The following PIK3R5 variants were observed in gnomAD, a reference collection of about 807,000 sequenced individuals.
PIK3R5 encodes phosphoinositide-3-kinase regulatory subunit 5, also known as phosphoinositide 3-kinase regulatory subunit 5.
In PIK3R5, 32 loss-of-function variants were observed where a neutral mutation model predicts 94.9. The ratio of observed to expected loss-of-function variants is 0.34; its 90% CI spans 0.25 to 0.45. PIK3R5 has a LOEUF of 0.45. Ranked by LOEUF, PIK3R5 falls within the 20% of genes least tolerant of loss-of-function variation. The probability of loss-of-function intolerance (pLI) is 1.00; values close to 1 mark genes in which losing one functional copy is unlikely to be tolerated. For synonymous variants in PIK3R5, 443 were observed against 479.4 expected, an observed-to-expected ratio of 0.92 and a Z score of 0.99; for missense variants, 853 against 1,144.6, an observed-to-expected ratio of 0.75 and a Z score of 3.68.
intron 13 of PIK3R5, 51 bp from the exon 14 acceptor site, chr17:8,886,373 A>T (rs368352248): frequency 6.2e-7 from 1 of 1,602,126 alleles, no homozygotes; most frequent in South Asian, 1.1e-5. Context: ...GGAGGGGCCC[A>T]TTTGGCTCCT....
chr17:8,952,649 G>C (rs2091396371), intron 1 of PIK3R5, among the ~76,000 whole-genome samples: 1 of 152,148 alleles, frequency 6.6e-6, no homozygotes. Context: ...TGAATTAGGG[G>C]TAATCTCTTA....
At chr17:8,941,109 C>T (rs2091171868) in intron 1 of PIK3R5, among the ~76,000 whole-genome samples, 1 of 152,210 alleles carries the variant, frequency 6.6e-6, no homozygotes. Context: ...GGAGCCACTC[C>T]AGCTGTCCCA....
Position 8,909,179 on chromosome 17 carries a change from A to G in PIK3R5, c.104-5T>C. The G allele has an allele frequency of 6.3e-7, 1 of 1,577,288 alleles. No individual in the cohort carries two copies. Among genetic ancestry groups the G allele is most frequent in the Non-Finnish European group, 8.6e-7 (1 of 1,157,512 alleles). On this transcript the variant is annotated splice_polypyrimidine_tract_variant and splice_region_variant and intron_variant, in intron 2 of 18. Coordinates refer to ENST00000447110, the MANE Select transcript of PIK3R5 (RefSeq NM_001142633.3). This position sits in a 1 kb window ranked among gnomAD's most constrained non-coding sequence, Gnocchi z 4.3. Reference sequence around the variant, plus strand: ...AGCAGTTCAGACACAGCCCAGCTGGAAAAGGAGAGAGAGGCAAGGGGTCAG... The same window carrying G: ...AGCAGTTCAGACACAGCCCAGCTGGGAAAGGAGAGAGAGGCAAGGGGTCAG...
Position 8,881,875 on chromosome 17 carries a change from T to C in PIK3R5, c.2212A>G (p.Ile738Val). 2 of 1,613,150 alleles carry C rather than the reference T, an allele frequency of 1.2e-6. No homozygotes were observed. The highest frequency in any genetic ancestry group is 1.7e-6 in the Non-Finnish European group (2 of 1,179,428). The part of the protein sequence containing the change: ...TLQIIYSKGA[I>V]SGRSRWSNLE... Reference sequence around the variant, plus strand: ...TTGCTCCAGCGACTTCGTCCACTGATGGCCCCCTGGAAATGCAGTGTAGCC... The same window carrying C: ...TTGCTCCAGCGACTTCGTCCACTGACGGCCCCCTGGAAATGCAGTGTAGCC... Residue 738 changes from isoleucine (I) to valine (V), a missense_variant, in exon 16 of 19, where the codon ATC becomes GTC. Around this residue, in one of 6 missense-constraint regions of PIK3R5, gnomAD observed 173 missense variants for 274.1 expected, o/e 0.63. Transcript: ENST00000447110. This position sits in a 1 kb window ranked among gnomAD's most constrained non-coding sequence, Gnocchi z 4.8.
In PIK3R5 at chr17:8,882,606, G is replaced by A. The variant is rs763449991; in HGVS notation, c.2206-725C>T. 25 of 152,930 alleles carry A rather than the reference G, an allele frequency of 1.6e-4. No individual in the cohort carries two copies. Among genetic ancestry groups the A allele is most frequent in the South Asian group, 4.1e-4 (2 of 4,822 alleles). The allele number at this position is 152,930 out of a possible 1,614,324, so 9.5% of individuals were successfully genotyped here. A position where few individuals can be genotyped will look rare whatever the true frequency, so the allele number is the denominator to read the frequency against. ...CAAAGTCAGGCCCGTTCAGCCAGCC[G>A]TCTATTCTCACTGTCTCCTTATACC... On this transcript the variant is annotated intron_variant, in intron 15 of 18. Coordinates refer to ENST00000447110, the MANE Select transcript of PIK3R5 (RefSeq NM_001142633.3). This position sits in a 1 kb window ranked among gnomAD's most constrained non-coding sequence, Gnocchi z 4.1.
At chr17:8,899,740 G>C (rs1454315279) in intron 5 of PIK3R5, among the ~76,000 whole-genome samples, 1 of 152,142 alleles carries the variant, frequency 6.6e-6, no homozygotes, top group Non-Finnish European at 1.5e-5. Context: ...CAGCAGGCCT[G>C]TTGAAAATCA....
chr17:8,895,375 C>T (rs975410102), intron 5 of PIK3R5, among the ~76,000 whole-genome samples: 3 of 152,228 alleles, frequency 2.0e-5, no homozygotes, highest in African/African-American at 2.4e-5. Flanking sequence ...TGACCAAGGA[C>T]ATCCAGGCGG....
At chr17:8,894,965 A>G (rs544049190) in intron 5 of PIK3R5, among the ~76,000 whole-genome samples, 5 of 152,124 alleles carry the variant, frequency 3.3e-5, no homozygotes, top group African/African-American at 1.2e-4. Context: ...ATTACCACAT[A>G]ATGCTCTTCT....
intron 1 of PIK3R5, among the ~76,000 whole-genome samples, chr17:8,957,852 G>A (rs746167318): frequency 2.0e-5 from 3 of 152,278 alleles, no homozygotes; most frequent in African/African-American, 2.4e-5. Flanking sequence ...GACTGGAGCC[G>A]TTCTCCCAGC....
chr17:8,883,040 T>A (rs2089719189), intron 15 of PIK3R5, among the ~76,000 whole-genome samples: 1 of 152,168 alleles, frequency 6.6e-6, no homozygotes. Context: ...TAAGCCCCCT[T>A]AATGGATATC....
At chr17:8,902,565 T>C (rs2151394382) in intron 5 of PIK3R5, among the ~76,000 whole-genome samples, 1 of 152,258 alleles carries the variant, frequency 6.6e-6, no homozygotes, top group Non-Finnish European at 1.5e-5. Context: ...TATATTAATT[T>C]TTATTGCAAA....
chr17:8,940,197 GC>G (rs1353268934), intron 1 of PIK3R5, among the ~76,000 whole-genome samples: 1 of 152,164 alleles, frequency 6.6e-6, no homozygotes, highest in Non-Finnish European at 1.5e-5. Flanking sequence ...GCAGGGAAGA[GC>G]CCCCAACCTG....
intron 5 of PIK3R5, among the ~76,000 whole-genome samples, chr17:8,898,018 T>A (rs2090191592): frequency 6.6e-6 from 1 of 152,214 alleles, no homozygotes; most frequent in South Asian, 2.1e-4. Flanking sequence ...TTTGGGGCTT[T>A]CTGCTATAGG....
intron 1 of PIK3R5, among the ~76,000 whole-genome samples, chr17:8,959,209 T>A (rs1409782996): frequency 1.3e-5 from 2 of 152,214 alleles, no homozygotes; most frequent in Non-Finnish European, 2.9e-5. Context: ...ACCAGTGTCC[T>A]CTACACAGTT....
chr17:8,904,820 G>A lies in PIK3R5; in HGVS notation c.369C>T (p.Cys123=). ...CATCAATGAAGGTGAGCAGCTCCTG[G>A]CAGATGCTGCAGTAAGGAACAGGCC... The part of the protein sequence containing the change: ...LTWPVPYCSI[C]QELLTFIDAE... The change falls in exon 5 of 19, where the codon TGC becomes TGT. Residue 123 remains cysteine (C), a synonymous_variant. Transcript: ENST00000447110. This position sits in a 1 kb window ranked among gnomAD's most constrained non-coding sequence, Gnocchi z 5.1. 6 of 1,614,124 alleles carry A rather than the reference G, an allele frequency of 3.7e-6. No individual in the cohort carries two copies. The highest frequency in any genetic ancestry group is 1.7e-5 in the Admixed American group (1 of 60,012).
rs1162768860 is a variant in PIK3R5, at chr17:8,889,558, A to C, written c.812-336T>G. Among the ~76,000 whole-genome samples, 1 of 152,198 alleles carries C rather than the reference A, an allele frequency of 6.6e-6. No individual in the cohort carries two copies. Among genetic ancestry groups the C allele is most frequent in the African/African-American group, 2.4e-5 (1 of 41,444 alleles). On this transcript the variant is annotated intron_variant, in intron 8 of 18. Coordinates refer to ENST00000447110, the MANE Select transcript of PIK3R5 (RefSeq NM_001142633.3). The surrounding 1 kb of genome is among the most constrained non-coding windows in gnomAD (Gnocchi z 4.1). ...AGGAATATTGTAACAGGGAATGCTAATGGTTCCTCAAAGTCTGTGCTCCCT... is the reference window on the plus strand; with the variant it reads ...AGGAATATTGTAACAGGGAATGCTACTGGTTCCTCAAAGTCTGTGCTCCCT...
chr17:8,961,432 C>T (rs556524759), intron 1 of PIK3R5, among the ~76,000 whole-genome samples: 28 of 152,230 alleles, frequency 1.8e-4, no homozygotes, highest in African/African-American at 3.6e-4. Context: ...GTCTGGAGTT[C>T]GAGACCAGCC....
chr17:8,965,000 C>CA (rs760447125), intron 1 of PIK3R5, among the ~76,000 whole-genome samples: 6,466 of 113,348 alleles, frequency 0.057, 190 homozygotes, highest in Non-Finnish European at 0.077. Context: ...CATGCGCATG[C>CA]CCACACACAC....
chr17:8,965,177 A>T (rs1174746576), intron 1 of PIK3R5, among the ~76,000 whole-genome samples: 2 of 152,210 alleles, frequency 1.3e-5, no homozygotes, highest in Non-Finnish European at 2.9e-5. Flanking sequence ...TTACGCGGGC[A>T]CTTCCATGAC....
Sources: allele counts gnomAD v4.1 joint callset (sites outside exome capture counted in the v4.1 genomes callset), GRCh38; gene constraint gnomAD v4.1.1; regional missense constraint gnomAD v4.1.1; non-coding constraint Gnocchi (gnomAD v3.1); transcripts MANE v1.5; gene names NCBI Gene and HGNC (gene_info 2026-07-23, HGNC 2026-07-21).